The following CIB4 variants were observed in gnomAD, a reference collection of about 807,000 sequenced individuals.
CIB4 encodes the protein calcium and integrin-binding family member 4.
CIB4 carries 25 observed loss-of-function variants against 25.8 expected under a neutral mutation model. That is an observed-to-expected ratio of 0.97 (90% CI 0.71 to 1.35). The LOEUF is 1.35. Ranked by LOEUF, CIB4 falls within the 40% of genes most tolerant of loss-of-function variation. The probability of loss-of-function intolerance (pLI) is 0.00; values close to 1 mark genes in which losing one functional copy is unlikely to be tolerated. For synonymous variants in CIB4, 75 were observed against 81.4 expected (o/e 0.92, Z 0.42); for missense variants, 235 against 228.2 (o/e 1.03, Z -0.19).
chr2:26,633,849 G>A (rs1271487496), intron 2 of CIB4, among the ~76,000 whole-genome samples: 1 of 152,170 alleles, frequency 6.6e-6, no homozygotes, highest in Non-Finnish European at 1.5e-5. Flanking sequence ...TCACTCTGCT[G>A]CTGACTGTCC....
intron 2 of CIB4, among the ~76,000 whole-genome samples, chr2:26,635,657 G>T (rs183119289): frequency 6.6e-5 from 10 of 152,174 alleles, no homozygotes; most frequent in African/African-American, 2.4e-4. Context: ...TGCTCCCTGA[G>T]CCAGAGAAGC....
intron 3 of CIB4, among the ~76,000 whole-genome samples, chr2:26,603,470 G>A (rs1047587012): frequency 5.9e-5 from 9 of 152,276 alleles, no homozygotes; most frequent in African/African-American, 1.9e-4. Flanking sequence ...TTTCCCTGAT[G>A]TGAATACAGG....
chr2:26,595,394 A>G (rs1668664267), intron 3 of CIB4, 77 bp from the exon 4 acceptor site: 2 of 1,484,628 alleles, frequency 1.3e-6, no homozygotes, highest in South Asian at 2.5e-5. Flanking sequence ...CTCATCTATT[A>G]CAAACACTGT....
intron 3 of CIB4, among the ~76,000 whole-genome samples, chr2:26,622,941 C>T (rs1455076388): frequency 6.6e-6 from 1 of 151,970 alleles, no homozygotes; most frequent in Non-Finnish European, 1.5e-5. Flanking sequence ...TGAGATGGTG[C>T]TTCTGCACTC....
intron 4 of CIB4, among the ~76,000 whole-genome samples, chr2:26,593,266 G>C (rs1361930463): frequency 6.6e-6 from 1 of 151,980 alleles, no homozygotes; most frequent in Non-Finnish European, 1.5e-5. Context: ...CCAGTTCCTA[G>C]AATAAATCTC....
intron 2 of CIB4, among the ~76,000 whole-genome samples, chr2:26,640,077 A>G (rs1669606784): frequency 6.9e-6 from 1 of 144,632 alleles, no homozygotes; most frequent in African/African-American, 2.5e-5. Flanking sequence ...CGAGGCCAGC[A>G]CATCACAGGC....
intron 4 of CIB4, among the ~76,000 whole-genome samples, chr2:26,588,986 T>C (rs1159515666): frequency 4.5e-4 from 2 of 4,428 alleles, no homozygotes; most frequent in Non-Finnish European, 1.3e-3. Context: ...TCTTTCTTCT[T>C]CTTCTTCTTC....
chr2:26,596,827 G>A (rs572250111), intron 3 of CIB4, among the ~76,000 whole-genome samples: 1 of 152,126 alleles, frequency 6.6e-6, no homozygotes, highest in South Asian at 2.1e-4. Context: ...TGAACCACAT[G>A]GAGGTTTACT....
chr2:26,589,108 C>T (rs12470683), intron 4 of CIB4, among the ~76,000 whole-genome samples: 41,572 of 66,974 alleles, frequency 0.62, 15,373 homozygotes, highest in East Asian at 0.92. Flanking sequence ...CTTCTTCTTC[C>T]TCTTCTTCTT....
chr2:26,633,891 G>A (rs1232035745), intron 2 of CIB4, among the ~76,000 whole-genome samples: 5 of 152,046 alleles, frequency 3.3e-5, no homozygotes, highest in South Asian at 4.1e-4. Context: ...GTCCCCTCTC[G>A]GGCCTCAGTT....
rs75213572 is a variant in CIB4 at position 26,600,965 on chromosome 2, C to T, written c.187-5648G>A. Among the ~76,000 whole-genome samples, 937 of 152,014 alleles carry T rather than the reference C, an allele frequency of 6.2e-3. 16 individuals are homozygous for T. The highest frequency in any genetic ancestry group is 0.021 in the African/African-American group (883 of 41,424). Reference sequence around the variant, plus strand: ...AAGACCTAGGCTGGGAGCGGTGGCTCACACCAGCACTTTGGGAGGCTAAAG... The same window carrying T: ...AAGACCTAGGCTGGGAGCGGTGGCTTACACCAGCACTTTGGGAGGCTAAAG... On this transcript the variant is annotated intron_variant, in intron 3 of 6. Transcript: ENST00000288861.
At chr2:26,621,860 T>G (rs1669209885) in intron 3 of CIB4, among the ~76,000 whole-genome samples, 1 of 152,198 alleles carries the variant, frequency 6.6e-6, no homozygotes, top group Non-Finnish European at 1.5e-5. Context: ...AAAGGAAATG[T>G]ACAGGAAACT....
chr2:26,589,065 CCTCTTCCTCTTCT>C (rs1668523314), intron 4 of CIB4, among the ~76,000 whole-genome samples: 1 of 60,888 alleles, frequency 1.6e-5, no homozygotes, highest in African/African-American at 7.3e-5. Context: ...TCTTCCTCTT[CCTCTTCCTCTTCT>C]TCTTCTTCTT....
chr2:26,616,331 T>A (rs1304397019), intron 3 of CIB4, among the ~76,000 whole-genome samples: 1 of 151,928 alleles, frequency 6.6e-6, no homozygotes, highest in Admixed American at 6.5e-5. Context: ...ACTCCTAGGG[T>A]GCTCACAGAG....
intron 3 of CIB4, among the ~76,000 whole-genome samples, chr2:26,607,711 A>G (rs973444793): frequency 6.6e-6 from 1 of 152,188 alleles, no homozygotes; most frequent in African/African-American, 2.4e-5. Context: ...CCTGTCCTCC[A>G]TCAGCACCAC....
At chr2:26,633,568 G>A (rs1469867679) in intron 2 of CIB4, among the ~76,000 whole-genome samples, 2 of 152,160 alleles carry the variant, frequency 1.3e-5, no homozygotes, top group Non-Finnish European at 2.9e-5. Context: ...TGCCTTCCCA[G>A]GCTGCAGAGT....
At chr2:26,635,828 GC>G (rs1669521872) in intron 2 of CIB4, among the ~76,000 whole-genome samples, 1 of 152,120 alleles carries the variant, frequency 6.6e-6, no homozygotes, top group Non-Finnish European at 1.5e-5. Flanking sequence ...TGTATGAACA[GC>G]CCTTTATTTC....
intron 4 of CIB4, among the ~76,000 whole-genome samples, chr2:26,588,994 T>C (rs947212889): frequency 1.2e-4 from 1 of 8,214 alleles, no homozygotes; most frequent in Non-Finnish European, 2.8e-4. Flanking sequence ...CTTCTTCTTC[T>C]TCTTCTTCTT....
intron 3 of CIB4, among the ~76,000 whole-genome samples, chr2:26,601,231 A>AAATTATATAT (rs1395827334): frequency 5.8e-5 from 1 of 17,230 alleles, no homozygotes; most frequent in African/African-American, 1.5e-4. Flanking sequence ...AAAAAAAAAA[A>AAATTATATAT]ATATATATAT....
Sources: gnomAD v4.1 joint callset for allele counts (sites outside exome capture counted in the v4.1 genomes callset) on GRCh38, gnomAD v4.1.1 for gene constraint, MANE v1.5 for transcripts, NCBI Gene and HGNC (gene_info 2026-07-23, HGNC 2026-07-21) for gene names.